LRRC7: variants seen among roughly 807,000 people sequenced by gnomAD.
The protein encoded by LRRC7 is leucine rich repeat containing 7.
A neutral mutation model predicts 175.7 loss-of-function variants in LRRC7; 23 were observed. That is an observed-to-expected ratio of 0.13 (90% CI 0.09 to 0.19). The LOEUF is 0.19. Among genes scored for constraint, LRRC7 ranks in the 10% least tolerant of loss-of-function variants. The pLI is 1.00. For missense variants in LRRC7, 1,354 were observed against 1,904.7 expected, an observed-to-expected ratio of 0.71 and a Z score of 5.38; for synonymous variants, 685 against 680.9, an observed-to-expected ratio of 1.01 and a Z score of -0.09.
intron 10 of LRRC7, among the ~76,000 whole-genome samples, chr1:69,989,920 G>C (rs1198634786): frequency 1.3e-5 from 2 of 152,100 alleles, no homozygotes; most frequent in Non-Finnish European, 2.9e-5. Flanking sequence ...ATAATAATTA[G>C]AGATGTCTTC....
chr1:69,586,673 C>A (rs1230904818), intron 1 of LRRC7, among the ~76,000 whole-genome samples: 1 of 152,122 alleles, frequency 6.6e-6, no homozygotes, highest in Non-Finnish European at 1.5e-5. Flanking sequence ...TGAAATAAAT[C>A]TTTCAGCTAA....
intron 3 of LRRC7, among the ~76,000 whole-genome samples, chr1:69,782,513 AAAGTC>A (rs1673882711): frequency 6.6e-6 from 1 of 152,200 alleles, no homozygotes; most frequent in Non-Finnish European, 1.5e-5. Context: ...TGGTATTTGT[AAAGTC>A]AAGGCAGAGT....
chr1:69,789,235 C>T (rs935447895), intron 3 of LRRC7, among the ~76,000 whole-genome samples: 3 of 151,922 alleles, frequency 2.0e-5, no homozygotes, highest in Non-Finnish European at 1.5e-5. Context: ...GAAAAAAGAA[C>T]ACTTTAGTAC....
chr1:69,796,118 C>T (rs1184680952), intron 4 of LRRC7, among the ~76,000 whole-genome samples: 35 of 111,802 alleles, frequency 3.1e-4, no homozygotes, highest in African/African-American at 1.1e-3. Flanking sequence ...CCCCTCCCCC[C>T]TCCCCCCACC....
intron 24 of LRRC7, among the ~76,000 whole-genome samples, chr1:70,089,246 C>T (rs1180380287): frequency 6.6e-6 from 1 of 152,048 alleles, no homozygotes; most frequent in Non-Finnish European, 1.5e-5. Flanking sequence ...AATTATCTAA[C>T]AAGGAGATGA....
Position 70,134,459 on chromosome 1 carries a change from T to G in LRRC7, c.*12572T>G, listed in dbSNP as rs377258889. ...CTTAGCCAGCCTCCTGGTCTGAGCT[T>G]CTTCTTTGCTAATTCCATCAAAGCC... On this transcript the variant is annotated 3_prime_UTR_variant, in exon 27 of 27. Transcript: ENST00000651989. Among the ~76,000 whole-genome samples the G allele has an allele frequency of 2.6e-4, 39 of 152,350 alleles. No individual in the cohort carries two copies. In the South Asian group the frequency reaches 2.9e-3, roughly 11 times the overall value.
At chr1:70,026,619 G>A (rs1658132301) in intron 17 of LRRC7, among the ~76,000 whole-genome samples, 1 of 151,548 alleles carries the variant, frequency 6.6e-6, no homozygotes, top group South Asian at 2.1e-4. Flanking sequence ...TTCTAACTTT[G>A]TCTTGGGTTA....
chr1:69,962,489 C>T (rs1192229652), intron 8 of LRRC7, among the ~76,000 whole-genome samples: 2 of 152,086 alleles, frequency 1.3e-5, no homozygotes, highest in Non-Finnish European at 2.9e-5. Flanking sequence ...GGTATATACC[C>T]AAAGGAATAT....
At chr1:70,018,920 G>T in intron 15 of LRRC7, 102 bp downstream of exon 15, 2 of 758,798 alleles carry the variant, frequency 2.6e-6, no homozygotes, top group East Asian at 5.4e-5. Flanking sequence ...ACATGGACAA[G>T]CTTATAAAGA....
chr1:69,717,771 AAAGAAAGAAAG>A (rs1665563810), intron 2 of LRRC7, among the ~76,000 whole-genome samples: 2 of 9,642 alleles, frequency 2.1e-4, no homozygotes, highest in Admixed American at 1.4e-3. Context: ...AAAAAGAAAA[AAAGAAAGAAAG>A]AAAGAAAGAA....
intron 2 of LRRC7, among the ~76,000 whole-genome samples, chr1:69,732,247 ACTT>A (rs1344072789): frequency 1.3e-5 from 2 of 152,002 alleles, no homozygotes; most frequent in Non-Finnish European, 2.9e-5. Context: ...TAAAGGAAAT[ACTT>A]AATACTAGGG....
chr1:69,673,011 G>A (rs1659302639), intron 1 of LRRC7, among the ~76,000 whole-genome samples: 1 of 152,120 alleles, frequency 6.6e-6, no homozygotes, highest in South Asian at 2.1e-4. Context: ...ACATATCTGT[G>A]TTAATAGACA....
intron 2 of LRRC7, among the ~76,000 whole-genome samples, chr1:69,725,323 T>G (rs952244293): frequency 6.6e-6 from 1 of 152,080 alleles, no homozygotes; most frequent in Non-Finnish European, 1.5e-5. Flanking sequence ...AAATCCACGT[T>G]TAAGTGGGCC....
At chr1:69,690,028 T>C (rs765374792) in intron 2 of LRRC7, among the ~76,000 whole-genome samples, 3 of 152,300 alleles carry the variant, frequency 2.0e-5, no homozygotes, top group Middle Eastern at 3.4e-3. Context: ...TTTAGTTATA[T>C]GTAGATGGTT....
intron 3 of LRRC7, among the ~76,000 whole-genome samples, chr1:69,790,716 A>G (rs1675005920): frequency 6.6e-6 from 1 of 151,876 alleles, no homozygotes; most frequent in African/African-American, 2.4e-5. Context: ...CTGTTTTCCT[A>G]TTTATTTAGA....
At chr1:69,797,614 C>T (rs1239764776) in intron 4 of LRRC7, among the ~76,000 whole-genome samples, 1 of 152,060 alleles carries the variant, frequency 6.6e-6, no homozygotes, top group Admixed American at 6.6e-5. Flanking sequence ...CTTACTGTTC[C>T]CATTGTTACA....
At chr1:70,021,893 TTGTA>T (rs1295852414) in intron 16 of LRRC7, among the ~76,000 whole-genome samples, 3 of 152,182 alleles carry the variant, frequency 2.0e-5, no homozygotes, top group African/African-American at 7.2e-5. Flanking sequence ...TTTTATAACA[TTGTA>T]TGTGTACTTT....
intron 1 of LRRC7, among the ~76,000 whole-genome samples, chr1:69,580,205 G>A (rs1646139087): frequency 6.6e-6 from 1 of 152,058 alleles, no homozygotes. Flanking sequence ...AAGGGTAAGT[G>A]AAATCCTATT....
intron 8 of LRRC7, among the ~76,000 whole-genome samples, chr1:69,964,240 G>T (rs1651438174): frequency 6.6e-6 from 1 of 152,136 alleles, no homozygotes; most frequent in Admixed American, 6.5e-5. Flanking sequence ...CTTACACTTA[G>T]AACCAGTCAC....
Sources: allele counts gnomAD v4.1 joint callset (sites outside exome capture counted in the v4.1 genomes callset), GRCh38; gene constraint gnomAD v4.1.1; transcripts MANE v1.5; gene names NCBI Gene and HGNC (gene_info 2026-07-23, HGNC 2026-07-21).